The following L3MBTL2 variants were observed in gnomAD, a reference collection of about 807,000 sequenced individuals.
L3MBTL2 encodes lethal(3)malignant brain tumor-like protein 2.
Under a neutral mutation model 86.4 loss-of-function variants are expected in L3MBTL2, and 49 were observed. The ratio of observed to expected loss-of-function variants is 0.57; its 90% CI spans 0.45 to 0.72. The LOEUF (loss-of-function observed/expected upper bound fraction) is 0.72, where lower values mean the gene tolerates loss of function less well. L3MBTL2 is among the 30% of genes least tolerant of loss of function. The pLI is 0.00. For missense variants in L3MBTL2, 755 were observed against 923.7 expected (o/e 0.82, Z 2.37); for synonymous variants, 336 against 350.6 (o/e 0.96, Z 0.47).
Position 41,230,434 on chromosome 22 carries a change from C to T in L3MBTL2, c.*183C>T. 5 of 594,190 alleles carry T rather than the reference C, an allele frequency of 8.4e-6. 1 individual carries two copies. In the South Asian group the frequency reaches 1.0e-4, roughly 12 times the overall value. 36.8% of individuals were successfully genotyped at this position (594,190 alleles called of 1,614,324 possible). On this transcript the variant is annotated 3_prime_UTR_variant, in exon 17 of 17. Coordinates refer to ENST00000216237, the MANE Select transcript of L3MBTL2 (RefSeq NM_031488.5). The stretch of plus-strand genomic sequence containing the variant: ...GTCTCCTGGGACCCGCCTGTTGCTT[C>T]TGCCCTCCCCTGTGGAAAGGTCTAT...
chr22:41,229,732 T>C (rs759499904), intron 16 of L3MBTL2, 76 bp downstream of exon 16: 2 of 1,611,014 alleles, frequency 1.2e-6, no homozygotes, highest in East Asian at 4.5e-5. Context: ...CTTCCCCACC[T>C]GGGCACAGAA....
At position 41,225,320 on chromosome 22, in the gene L3MBTL2, G is replaced by A. The variant is rs912193383; in HGVS notation, c.1356+249G>A. The stretch of plus-strand genomic sequence containing the variant: ...AACACCTGAGCCTGGTCCTGTGTCA[G>A]AGTAGGCCCCTCCCTGTCACCTCAC... On this transcript the variant is annotated intron_variant, in intron 11 of 16. Coordinates refer to ENST00000216237, the MANE Select transcript of L3MBTL2 (RefSeq NM_031488.5). The surrounding 1 kb of genome is among the most constrained non-coding windows in gnomAD (Gnocchi z 4.1). 2.0e-5 allele frequency among the ~76,000 whole-genome samples: 3 copies of A among 152,196 alleles called. No individual in the cohort carries two copies. Among genetic ancestry groups the A allele is most frequent in the Non-Finnish European group, 2.9e-5 (2 of 68,032 alleles).
chr22:41,223,148 CT>C (rs888071051), intron 8 of L3MBTL2, among the ~76,000 whole-genome samples: 1 of 152,190 alleles, frequency 6.6e-6, no homozygotes, highest in African/African-American at 2.4e-5. Flanking sequence ...GCCAGAGGGT[CT>C]GTCTGGTTTA....
intron 2 of L3MBTL2, among the ~76,000 whole-genome samples, chr22:41,212,039 AT>A (rs1212256371): frequency 4.0e-5 from 5 of 124,194 alleles, no homozygotes; most frequent in Admixed American, 8.2e-5. Flanking sequence ...AATTTTTTGT[AT>A]TTTTTAGTAG....
intron 16 of L3MBTL2, among the ~76,000 whole-genome samples, chr22:41,229,933 C>T (rs1195479625): frequency 6.6e-6 from 1 of 152,156 alleles, no homozygotes; most frequent in South Asian, 2.1e-4. Context: ...CAGATTGGCA[C>T]ATGGCAGTGT....
In L3MBTL2 at chr22:41,217,713, G is replaced by A. The variant is rs558661617; in HGVS notation, c.600+511G>A. ...CGAATATCCAGCAGCTGTGACGTGT[G>A]GAGCCTGCAGGCCGGGAGAGCAGAG... On this transcript the variant is annotated intron_variant, in intron 5 of 16. Transcript: ENST00000216237. The A allele has an allele frequency of 4.4e-5, 7 of 158,216 alleles. No individual in the cohort carries two copies. The South Asian group carries it at 1.3e-3, about 29-fold the overall frequency. The allele number at this position is 158,216 out of a possible 1,614,324, so 9.8% of individuals were successfully genotyped here.
intron 15 of L3MBTL2, 189 bp downstream of exon 15, chr22:41,228,058 T>C (rs2032314695): frequency 3.0e-6 from 3 of 985,402 alleles, no homozygotes; most frequent in Non-Finnish European, 3.6e-6. Flanking sequence ...TCACCCTGTC[T>C]CTGGGGACCC....
rs3721 is a variant in L3MBTL2, at chr22:41,231,069, C to T, written c.*818C>T. 59,769 of 152,038 alleles carry T rather than the reference C, an allele frequency of 0.39. 12,136 individuals are homozygous for T. The highest frequency in any genetic ancestry group is 0.48 in the African/African-American group (19,822 of 41,454). The allele number at this position is 152,038 out of a possible 1,614,324, so 9.4% of individuals were successfully genotyped here. On this transcript the variant is annotated 3_prime_UTR_variant, in exon 17 of 17. Transcript: ENST00000216237. Reference sequence around the variant, plus strand: ...TTGTAGTTAAAGGGTCCAGTTCTGACTGGAGCCTCTAGAGAGCTGGGCTTG... The same window carrying T: ...TTGTAGTTAAAGGGTCCAGTTCTGATTGGAGCCTCTAGAGAGCTGGGCTTG...
chr22:41,227,940 G>A lies in L3MBTL2; in HGVS notation c.1888+71G>A. The A allele has an allele frequency of 6.4e-7, 1 of 1,571,548 alleles. No individual in the cohort carries two copies. The highest frequency in any genetic ancestry group is 8.6e-7 in the Non-Finnish European group (1 of 1,158,598). On this transcript the variant is annotated intron_variant, in intron 15 of 16. Coordinates refer to ENST00000216237, the MANE Select transcript of L3MBTL2 (RefSeq NM_031488.5). This position sits in a 1 kb window ranked among gnomAD's most constrained non-coding sequence, Gnocchi z 6.0. ...AGTGGGCCTGCGTCCCTGGGAGCAG[G>A]CGGGGGTCAGCCCCCAGGCACTGGT... is the stretch of plus-strand genomic sequence containing the variant.
chr22:41,225,716 C>T lies in L3MBTL2; in HGVS notation c.1357-78C>T, dbSNP rs1025537153. On this transcript the variant is annotated intron_variant, in intron 11 of 16. Transcript: ENST00000216237. The surrounding 1 kb of genome is among the most constrained non-coding windows in gnomAD (Gnocchi z 4.1). Reference sequence around the variant, plus strand: ...GTTTGGATCCATTTGCCTCGTGTCCCTATTGGGGTGCGGTACCAACCCAGG... The same window carrying T: ...GTTTGGATCCATTTGCCTCGTGTCCTTATTGGGGTGCGGTACCAACCCAGG... 57 of 1,491,234 alleles carry T rather than the reference C, an allele frequency of 3.8e-5. No individual in the cohort carries two copies. The highest frequency in any genetic ancestry group is 9.2e-5 in the Admixed American group (5 of 54,114). 92.4% of individuals were successfully genotyped at this position (1,491,234 alleles called of 1,614,324 possible). A position where few individuals can be genotyped will look rare whatever the true frequency, so the allele number is the denominator to read the frequency against.
chr22:41,221,361 G>A (rs1373767600), intron 8 of L3MBTL2, 74 bp downstream of exon 8: 1 of 1,267,264 alleles, frequency 7.9e-7, no homozygotes, highest in Admixed American at 2.0e-5. Flanking sequence ...GCCACTCACT[G>A]GAGCATGTTA....
rs1404788247 is a variant in L3MBTL2 at position 41,208,407 on chromosome 22, G to A, written c.25-1289G>A. ...AGCCTCCCAAAGTGCTGGGATTACA[G>A]ATGTGAACCACCGTACCCAGGCTCT... On this transcript the variant is annotated intron_variant, in intron 1 of 16. Coordinates refer to ENST00000216237, the MANE Select transcript of L3MBTL2 (RefSeq NM_031488.5). 7.7e-6 allele frequency: 3 copies of A among 390,700 alleles called. No individual in the cohort carries two copies. In the East Asian group the frequency reaches 2.7e-4, roughly 36 times the overall value. The allele number at this position is 390,700 out of a possible 1,614,324, so 24.2% of individuals were successfully genotyped here.
chr22:41,215,704 A>G (rs62238732), intron 3 of L3MBTL2, among the ~76,000 whole-genome samples: 5,003 of 141,744 alleles, frequency 0.035, 1 homozygote, highest in African/African-American at 0.043. Context: ...GCCTATGTGG[A>G]CCCTCTCCCG....
intron 8 of L3MBTL2, among the ~76,000 whole-genome samples, chr22:41,223,103 T>C (rs2031939866): frequency 6.6e-6 from 1 of 152,166 alleles, no homozygotes; most frequent in Non-Finnish European, 1.5e-5. Flanking sequence ...GGACAGGCAA[T>C]TGGTGTCAGG....
chr22:41,209,739 A>C lies in L3MBTL2; in HGVS notation c.68A>C (p.Asp23Ala). Residue 23 changes from aspartate (D) to alanine (A), a missense_variant, in exon 2 of 17, where the codon GAC becomes GCC. Transcript: ENST00000216237. ...CCAATGGAGGAAGAGGAAGATGACGACTTGGAGCTGTTTGGTGGCTATGAT... is the reference window on the plus strand; with the variant it reads ...CCAATGGAGGAAGAGGAAGATGACGCCTTGGAGCTGTTTGGTGGCTATGAT... ...SEPMEEEEDD[D>A]LELFGGYDSF... 1 of 1,614,202 alleles carries C rather than the reference A, an allele frequency of 6.2e-7. No individual in the cohort carries two copies. Among genetic ancestry groups the C allele is most frequent in the Non-Finnish European group, 8.5e-7 (1 of 1,180,032 alleles).
rs2032022575 is a variant in L3MBTL2, at chr22:41,224,128, G to A, written c.1051G>A (p.Gly351Ser). ...RMAVVDTVIG[G>S]RLRLLYEDGD... The stretch of plus-strand genomic sequence containing the variant: ...GGCTGTGGTGGACACAGTAATCGGG[G>A]GTCGCCTACGGCTCCTCTACGAGGA... Residue 351 changes from glycine (G) to serine (S), a missense_variant, in exon 9 of 17, where the codon GGT (glycine) becomes AGT (serine). Physicochemically the swap from Gly to Ser is moderately conservative, Grantham distance 56. Transcript: ENST00000216237. This position sits in a 1 kb window ranked among gnomAD's most constrained non-coding sequence, Gnocchi z 4.9. 3.1e-6 allele frequency: 5 copies of A among 1,614,182 alleles called. No individual in the cohort carries two copies. The highest frequency in any genetic ancestry group is 3.4e-6 in the Non-Finnish European group (4 of 1,180,042).
At chr22:41,214,975 C>T (rs539907893) in intron 3 of L3MBTL2, among the ~76,000 whole-genome samples, 1 of 147,014 alleles carries the variant, frequency 6.8e-6, no homozygotes, top group African/African-American at 2.6e-5. Context: ...CGTGCCACTG[C>T]ACTCCAGCCT....
chr22:41,224,672 G>A lies in L3MBTL2; in HGVS notation c.1175-53G>A, dbSNP rs531228222. 6.4e-6 allele frequency: 9 copies of A among 1,401,776 alleles called. No individual in the cohort carries two copies. The highest frequency in any genetic ancestry group is 1.8e-4 in the Middle Eastern group (1 of 5,648). 86.8% of individuals were successfully genotyped at this position (1,401,776 alleles called of 1,614,324 possible). A position where few individuals can be genotyped will look rare whatever the true frequency, so the allele number is the denominator to read the frequency against. ...GGGGAGGCGTGTGGAGATGGCCCAG[G>A]AGCCGCCTCCAACTCCCTTCTCTCC... On this transcript the variant is annotated intron_variant, in intron 9 of 16. Transcript: ENST00000216237. The surrounding 1 kb of genome is among the most constrained non-coding windows in gnomAD (Gnocchi z 4.9).
At position 41,221,101 on chromosome 22, in the gene L3MBTL2, C is replaced by T. The variant is rs2277845; in HGVS notation, c.854-98C>T. 5.5e-4 allele frequency: 612 copies of T among 1,112,702 alleles called. 6 individuals carry two copies. The East Asian group carries it at 0.015, about 28-fold the overall frequency. The allele number at this position is 1,112,702 out of a possible 1,614,324, so 68.9% of individuals were successfully genotyped here. ...CTGAAGAGGCAGCTATTTTCAGTCC[C>T]CACTGCTGAGGGGTCCCCACTCTGG... On this transcript the variant is annotated intron_variant, in intron 7 of 16. Transcript: ENST00000216237.
Sources: gnomAD v4.1 joint callset for allele counts (sites outside exome capture counted in the v4.1 genomes callset) on GRCh38, gnomAD v4.1.1 for gene constraint, Gnocchi (gnomAD v3.1) non-coding constraint, MANE v1.5 for transcripts, NCBI Gene and HGNC (gene_info 2026-07-23, HGNC 2026-07-21) for gene names.